MAGI3: variants seen among roughly 807,000 people sequenced by gnomAD.
The protein encoded by MAGI3 is membrane-associated guanylate kinase, WW and PDZ domain-containing protein 3.
In MAGI3, 43 loss-of-function variants were observed where a neutral mutation model predicts 121.8. The observed-to-expected ratio is 0.35, with a 90% CI of 0.28 to 0.46. MAGI3 has a LOEUF of 0.46. Ranked by LOEUF, MAGI3 falls within the 20% of genes least tolerant of loss-of-function variation. MAGI3 has a pLI of 1.00. For synonymous variants in MAGI3, 553 were observed against 639.3 expected (o/e 0.86, Z 2.04); for missense variants, 1,547 against 1,797.3 (o/e 0.86, Z 2.52).
chr1:113,552,218 C>T (rs1557818938), intron 2 of MAGI3, among the ~76,000 whole-genome samples: 1 of 152,084 alleles, frequency 6.6e-6, no homozygotes, highest in African/African-American at 2.4e-5. Flanking sequence ...TTATTTTTCA[C>T]TAATTGTAGT....
intron 6 of MAGI3, among the ~76,000 whole-genome samples, chr1:113,605,310 A>C (rs1016530861): frequency 6.6e-6 from 1 of 152,192 alleles, no homozygotes; most frequent in Non-Finnish European, 1.5e-5. Context: ...ACTACTCATG[A>C]GTAAAAAGAA....
chr1:113,403,006 A>G (rs762967507), intron 1 of MAGI3, among the ~76,000 whole-genome samples: 11 of 152,156 alleles, frequency 7.2e-5, no homozygotes, highest in Non-Finnish European at 1.2e-4. Flanking sequence ...TCTTTCTGCA[A>G]TCCATTTACC....
intron 2 of MAGI3, among the ~76,000 whole-genome samples, chr1:113,579,023 A>G (rs958950596): frequency 1.3e-5 from 2 of 152,212 alleles, no homozygotes; most frequent in African/African-American, 4.8e-5. Flanking sequence ...AGTAGGAGCA[A>G]TTAAGAGTTT....
chr1:113,476,850 G>T (rs113604837), intron 1 of MAGI3, among the ~76,000 whole-genome samples: 1 of 152,042 alleles, frequency 6.6e-6, no homozygotes, highest in African/African-American at 2.4e-5. Flanking sequence ...TTATTGTGTG[G>T]GAGTCTAAGT....
chr1:113,660,708 G>A (rs1321323853), intron 16 of MAGI3, among the ~76,000 whole-genome samples: 2 of 150,302 alleles, frequency 1.3e-5, no homozygotes, highest in East Asian at 1.9e-4. Flanking sequence ...TCAACCTCCC[G>A]GGCTCAAGTG....
chr1:113,418,042 C>T (rs937964435), intron 1 of MAGI3, among the ~76,000 whole-genome samples: 3 of 151,840 alleles, frequency 2.0e-5, no homozygotes, highest in Admixed American at 1.3e-4. Flanking sequence ...TGGGCTTTTT[C>T]GACCTAAGAC....
At chr1:113,636,217 C>G (rs1373855063) in intron 9 of MAGI3, among the ~76,000 whole-genome samples, 1 of 151,936 alleles carries the variant, frequency 6.6e-6, no homozygotes, top group Non-Finnish European at 1.5e-5. Context: ...TTTTTTGTGT[C>G]TCTATTTCCT....
At chr1:113,571,329 C>T (rs537799063) in intron 2 of MAGI3, among the ~76,000 whole-genome samples, 9 of 152,120 alleles carry the variant, frequency 5.9e-5, no homozygotes, top group South Asian at 2.1e-4. Context: ...GGTGGTGTGA[C>T]GCCTCCAGCT....
intron 2 of MAGI3, among the ~76,000 whole-genome samples, chr1:113,567,750 A>G (rs1469590105): frequency 6.7e-6 from 1 of 149,922 alleles, no homozygotes; most frequent in African/African-American, 2.5e-5. Flanking sequence ...AAAAGCTAAC[A>G]TTATGCTTAA....
At chr1:113,508,796 A>T (rs1296079585) in intron 1 of MAGI3, among the ~76,000 whole-genome samples, 1 of 152,176 alleles carries the variant, frequency 6.6e-6, no homozygotes, top group East Asian at 1.9e-4. Context: ...CTTATCTTAC[A>T]TTGCTGCTCT....
chr1:113,544,013 T>C (rs927197500), intron 1 of MAGI3, among the ~76,000 whole-genome samples: 2 of 152,264 alleles, frequency 1.3e-5, no homozygotes, highest in Non-Finnish European at 2.9e-5. Context: ...ACAATGTATA[T>C]GGTATTTTTG....
rs536067485 is a variant in MAGI3, at chr1:113,571,109, A to G, written c.434-9433A>G. On this transcript the variant is annotated intron_variant, in intron 2 of 20. Coordinates refer to ENST00000307546, the MANE Select transcript of MAGI3 (RefSeq NM_001142782.2). ...GGAGTCCAGTTTCAGTTTTCTGCATATGGCTAGCCAGTTTTCACAACACCA... is the reference window on the plus strand; with the variant it reads ...GGAGTCCAGTTTCAGTTTTCTGCATGTGGCTAGCCAGTTTTCACAACACCA... Among the ~76,000 whole-genome samples the G allele has an allele frequency of 4.6e-5, 7 of 152,300 alleles. No individual in the cohort carries two copies. The East Asian group carries it at 7.7e-4, about 17-fold the overall frequency.
chr1:113,505,100 G>C (rs949515696), intron 1 of MAGI3, among the ~76,000 whole-genome samples: 1 of 152,082 alleles, frequency 6.6e-6, no homozygotes, highest in African/African-American at 2.4e-5. Context: ...TGTTTTTAGA[G>C]AGTTATAATA....
chr1:113,527,455 G>A (rs1658504683), intron 1 of MAGI3, among the ~76,000 whole-genome samples: 1 of 152,144 alleles, frequency 6.6e-6, no homozygotes, highest in Non-Finnish European at 1.5e-5. Context: ...TAAATAGGGA[G>A]AAAGGCATAT....
chr1:113,415,528 A>C (rs540767709), intron 1 of MAGI3, among the ~76,000 whole-genome samples: 1 of 151,886 alleles, frequency 6.6e-6, no homozygotes. Flanking sequence ...TCTCTTTTCT[A>C]TCTCTCCGCT....
intron 1 of MAGI3, among the ~76,000 whole-genome samples, chr1:113,480,047 G>A (rs1656037494): frequency 6.6e-6 from 1 of 151,956 alleles, no homozygotes; most frequent in African/African-American, 2.4e-5. Flanking sequence ...AGCTCACTGA[G>A]CTTCATTAAG....
chr1:113,439,829 T>G (rs1036368389), intron 1 of MAGI3, among the ~76,000 whole-genome samples: 1 of 151,036 alleles, frequency 6.6e-6, no homozygotes, highest in Non-Finnish European at 1.5e-5. Flanking sequence ...ATCTTATAGT[T>G]CAGAAAACTG....
Position 113,416,158 on chromosome 1 carries a change from ATAT to A in MAGI3, c.316+24816_316+24818del, listed in dbSNP as rs200545118. Among the ~76,000 whole-genome samples, 379 of 112,450 alleles carry A rather than the reference ATAT, an allele frequency of 3.4e-3. 28 individuals are homozygous for A. Among genetic ancestry groups the A allele is most frequent in the South Asian group, 0.011 (34 of 3,066 alleles). The allele number at this position is 112,450 out of a possible 152,430, so 73.8% of individuals were successfully genotyped here. A position where few individuals can be genotyped will look rare whatever the true frequency, so the allele number is the denominator to read the frequency against. ...ATATTAATTATGTAATTAATGACAC[ATAT>A]TATTATGTAATTAATGACACATATT... On this transcript the variant is annotated intron_variant, in intron 1 of 20. Coordinates refer to ENST00000307546, the MANE Select transcript of MAGI3 (RefSeq NM_001142782.2).
At chr1:113,617,203 A>T (rs1650531861) in intron 7 of MAGI3, among the ~76,000 whole-genome samples, 2 of 152,208 alleles carry the variant, frequency 1.3e-5, no homozygotes, top group African/African-American at 2.4e-5. Flanking sequence ...AAAACTCTTT[A>T]TGAAAGAATA....
Sources: allele counts gnomAD v4.1 joint callset (sites outside exome capture counted in the v4.1 genomes callset), GRCh38; gene constraint gnomAD v4.1.1; transcripts MANE v1.5; gene names NCBI Gene and HGNC (gene_info 2026-07-23, HGNC 2026-07-21).